The following PHC1 variants were observed in gnomAD, a reference collection of about 807,000 sequenced individuals.
The protein encoded by PHC1 is polyhomeotic-like protein 1.
Under a neutral mutation model 104.3 loss-of-function variants are expected in PHC1, and 12 were observed. The observed-to-expected ratio is 0.12, with a 90% CI of 0.07 to 0.19. The LOEUF (loss-of-function observed/expected upper bound fraction) is 0.19. PHC1 is among the 10% of genes least tolerant of loss of function. The pLI, the probability that PHC1 is intolerant of heterozygous loss-of-function variation, is 1.00. For missense variants in PHC1, 671 were observed against 1,200.0 expected, an observed-to-expected ratio of 0.56 and a Z score of 6.51; for synonymous variants, 302 against 455.8, an observed-to-expected ratio of 0.66 and a Z score of 4.30.
intron 6 of PHC1, among the ~76,000 whole-genome samples, chr12:8,926,837 C>T (rs1183849700): frequency 6.6e-6 from 1 of 152,150 alleles, no homozygotes; most frequent in East Asian, 1.9e-4. Flanking sequence ...ATCACTTGAA[C>T]CTGGGAGGCG....
intron 9 of PHC1, 113 bp downstream of exon 9, chr12:8,934,125 A>C (rs1945768415): frequency 7.3e-7 from 1 of 1,369,836 alleles, no homozygotes; most frequent in Admixed American, 1.8e-5. Context: ...TTGGTGGACA[A>C]ATGAATAGAT....
chr12:8,924,492 T>C (rs889968898), intron 6 of PHC1, among the ~76,000 whole-genome samples: 5 of 152,034 alleles, frequency 3.3e-5, no homozygotes, highest in Non-Finnish European at 5.9e-5. Flanking sequence ...AAAAAGAAAG[T>C]GCTAAACTAA....
In PHC1 at chr12:8,933,157, C is replaced by A; in HGVS notation, c.1700C>A (p.Ala567Asp). ...GMPGTVQSGQ[A>D]HLASSPPSSQ... ...CCAGGTACAGTGCAGTCTGGTCAGG[C>A]CCATTTGGCCTCCTCGCCACCTTCA... The change falls in exon 8 of 15, where the codon GCC (alanine) becomes GAC (aspartate). Residue 567 changes from alanine to aspartate, a missense_variant. By Grantham distance (126) the Ala-to-Asp change is moderately radical (BLOSUM62 -2). Transcript: ENST00000544916. The A allele has an allele frequency of 1.6e-6, 2 of 1,212,758 alleles. No individual in the cohort carries two copies. The highest frequency in any genetic ancestry group is 1.6e-5 in the African/African-American group (1 of 61,734). 75.1% of individuals were successfully genotyped at this position (1,212,758 alleles called of 1,614,324 possible).
chr12:8,919,111 G>A lies in PHC1; in HGVS notation c.115-645G>A, dbSNP rs1036436813. Among the ~76,000 whole-genome samples, 1 of 152,210 alleles carries A rather than the reference G, an allele frequency of 6.6e-6. No homozygotes were observed. The highest frequency in any genetic ancestry group is 1.5e-5 in the Non-Finnish European group (1 of 68,042). ...TTTCGCTCCTGTTGCCCAGGCTGCA[G>A]TGCAATGGCGCAATCTCATCTCACT... On this transcript the variant is annotated intron_variant, in intron 2 of 14. Transcript: ENST00000544916. The surrounding 1 kb of genome is among the most constrained non-coding windows in gnomAD (Gnocchi z 4.9).
chr12:8,933,474 T>A, intron 8 of PHC1, 124 bp downstream of exon 8: 1 of 1,176,740 alleles, frequency 8.5e-7, no homozygotes, highest in Non-Finnish European at 1.2e-6. Context: ...GGTATTTATC[T>A]GCTTCTTCTG....
Position 8,937,823 on chromosome 12 carries a change from C to T in PHC1, c.2629-6C>T, listed in dbSNP as rs1184522286. 1.2e-6 allele frequency: 2 copies of T among 1,610,718 alleles called. No homozygotes were observed. Among genetic ancestry groups the T allele is most frequent in the African/African-American group, 1.3e-5 (1 of 74,956 alleles). Reference sequence around the variant, plus strand: ...GACCTCATTGGTTTGCTCTTTTCCCCTATAGGGTCAAGAAGACTCTAGCCG... The same window carrying T: ...GACCTCATTGGTTTGCTCTTTTCCCTTATAGGGTCAAGAAGACTCTAGCCG... On this transcript the variant is annotated splice_region_variant and splice_polypyrimidine_tract_variant and intron_variant, in intron 13 of 14. Transcript: ENST00000544916.
At position 8,919,842 on chromosome 12, in the gene PHC1, G is replaced by A; in HGVS notation, c.201G>A (p.Leu67=). 6.2e-7 allele frequency: 1 copy of A among 1,603,424 alleles called. No individual in the cohort carries two copies. The highest frequency in any genetic ancestry group is 1.1e-5 in the South Asian group (1 of 89,388). ...AGCAGCAGCTCAGTAATGCCCAGCT[G>A]CATAGCCTGGCTGCCGTCCAGCAGG... The part of the protein sequence containing the change: ...MLQQQLSNAQ[L]HSLAAVQQAT... The change falls in exon 3 of 15, where the codon CTG becomes CTA. Residue 67 remains leucine (L), a synonymous_variant. Transcript: ENST00000544916. The surrounding 1 kb of genome is among the most constrained non-coding windows in gnomAD (Gnocchi z 4.9).
chr12:8,916,932 C>G (rs1411391571), intron 1 of PHC1, among the ~76,000 whole-genome samples: 1 of 152,116 alleles, frequency 6.6e-6, no homozygotes, highest in Non-Finnish European at 1.5e-5. Context: ...CCTTCCATGA[C>G]CCACTGAATG....
In PHC1 at chr12:8,919,752, C is replaced by T; in HGVS notation, c.115-4C>T. On this transcript the variant is annotated splice_region_variant and splice_polypyrimidine_tract_variant and intron_variant, in intron 2 of 14. Coordinates refer to ENST00000544916, the MANE Select transcript of PHC1 (RefSeq NM_004426.3). The surrounding 1 kb of genome is among the most constrained non-coding windows in gnomAD (Gnocchi z 4.9). ...TCTAAATGTTTTATCCTCTCTTTTC[C>T]TAGGCTCTGCAAGCACTGCAGCGGC... 3 of 1,611,526 alleles carry T rather than the reference C, an allele frequency of 1.9e-6. No homozygotes were observed. In the South Asian group the frequency reaches 3.3e-5, roughly 18 times the overall value.
At chr12:8,917,445 T>C (rs1371626203) in intron 1 of PHC1, among the ~76,000 whole-genome samples, 185 bp from the exon 2 acceptor site, 1 of 152,158 alleles carries the variant, frequency 6.6e-6, no homozygotes, top group Admixed American at 6.6e-5. Context: ...AAGATGGTAG[T>C]ATTGGGAAGA....
At chr12:8,931,318 C>T (rs758492793) in intron 7 of PHC1, among the ~76,000 whole-genome samples, 11 of 152,200 alleles carry the variant, frequency 7.2e-5, no homozygotes, top group Non-Finnish European at 1.6e-4. Context: ...TTAGCATTTA[C>T]TATAAGGGAT....
At chr12:8,916,096 T>C (rs934824139) in intron 1 of PHC1, 3 of 154,538 alleles carry the variant, frequency 1.9e-5, no homozygotes, top group Middle Eastern at 5.2e-4. Context: ...TGCTTTGATA[T>C]TTTGGCAAAA....
intron 4 of PHC1, among the ~76,000 whole-genome samples, chr12:8,921,386 C>G (rs1945358118): frequency 6.6e-6 from 1 of 152,094 alleles, no homozygotes. Flanking sequence ...ACTGTTAACA[C>G]TAGTGGTTAG....
At chr12:8,926,542 A>C (rs901177542) in intron 6 of PHC1, among the ~76,000 whole-genome samples, 29 of 151,864 alleles carry the variant, frequency 1.9e-4, no homozygotes, top group African/African-American at 7.0e-4. Context: ...AATCACTTGA[A>C]CCTGGGAGGT....
At chr12:8,935,768 A>AT (rs200893598) in intron 11 of PHC1, among the ~76,000 whole-genome samples, 1 of 151,060 alleles carries the variant, frequency 6.6e-6, no homozygotes, top group Non-Finnish European at 1.5e-5. Flanking sequence ...TATTATTATT[A>AT]TTTTTTTTTG....
At chr12:8,914,067 GT>G (rs1169443947), upstream of PHC1, 1 of 152,424 alleles carries the variant, frequency 6.6e-6, no homozygotes, top group Non-Finnish European at 1.5e-5. Flanking sequence ...TTCTCTAGGG[GT>G]CGTTGCTTTG....
At chr12:8,936,089 T>A (rs1385527438) in intron 11 of PHC1, among the ~76,000 whole-genome samples, 1 of 152,148 alleles carries the variant, frequency 6.6e-6, no homozygotes, top group African/African-American at 2.4e-5. Context: ...ACTCTATAGA[T>A]GTATTTTTTG....
At chr12:8,926,620 A>T (rs762375130) in intron 6 of PHC1, among the ~76,000 whole-genome samples, 81 of 135,000 alleles carry the variant, frequency 6.0e-4, no homozygotes, top group African/African-American at 2.5e-3. Flanking sequence ...ACTCCATCTT[A>T]AAAAAAAAGG....
chr12:8,933,320 T>A lies in PHC1; in HGVS notation c.1863T>A (p.Ala621=). 6.5e-7 allele frequency: 1 copy of A among 1,527,966 alleles called. No individual in the cohort carries two copies. The highest frequency in any genetic ancestry group is 8.8e-7 in the Non-Finnish European group (1 of 1,130,786). The allele number at this position is 1,527,966 out of a possible 1,614,324, so 94.7% of individuals were successfully genotyped here. A position where few individuals can be genotyped will look rare whatever the true frequency, so the allele number is the denominator to read the frequency against. Reference sequence around the variant, plus strand: ...CACCTGTTGTAGCCCAGGTCCCTGCTGCCTTCTATATGCAGTCTGTGCACT... The same window carrying A: ...CACCTGTTGTAGCCCAGGTCCCTGCAGCCTTCTATATGCAGTCTGTGCACT... ...TSSPVVAQVP[A]AFYMQSVHLP... is the part of the protein sequence containing the mutation. The change falls in exon 8 of 15, where the codon GCT becomes GCA. Residue 621 remains alanine (A), a synonymous_variant. Transcript: ENST00000544916.
Sources: allele counts gnomAD v4.1 joint callset (sites outside exome capture counted in the v4.1 genomes callset), GRCh38; gene constraint gnomAD v4.1.1; non-coding constraint Gnocchi (gnomAD v3.1); transcripts MANE v1.5; gene names NCBI Gene and HGNC (gene_info 2026-07-23, HGNC 2026-07-21).